Variants in COL9A1 observed in about 807,000 individuals in gnomAD.
COL9A1 encodes collagen alpha-1(IX) chain.
Under a neutral mutation model 142.6 loss-of-function variants are expected in COL9A1, and 104 were observed. The ratio of observed to expected loss-of-function variants is 0.73; its 90% CI spans 0.62 to 0.86. The LOEUF (loss-of-function observed/expected upper bound fraction) is 0.86, where lower values mean the gene tolerates loss of function less well. Among genes scored for constraint, COL9A1 ranks in the 40% least tolerant of loss-of-function variants. The pLI is 0.00. For missense variants in COL9A1, 1,210 were observed against 1,176.6 expected (o/e 1.03, Z -0.42); for synonymous variants, 466 against 396.0 (o/e 1.18, Z -2.10).
chr6:70,244,525 C>T (rs3806076), intron 28 of COL9A1, among the ~76,000 whole-genome samples: 6,008 of 152,198 alleles, frequency 0.039, 248 homozygotes, highest in East Asian at 0.14. Flanking sequence ...ACTGGGCTCA[C>T]GTGACTTTAA....
chr6:70,230,419 G>A (rs1431680110), intron 36 of COL9A1, among the ~76,000 whole-genome samples: 1 of 152,122 alleles, frequency 6.6e-6, no homozygotes, highest in Non-Finnish European at 1.5e-5. Context: ...ATGGAGGAGG[G>A]TAGGGAGAAA....
At chr6:70,235,049 C>A in intron 33 of COL9A1, 109 bp from the exon 34 acceptor site, 1 of 1,343,904 alleles carries the variant, frequency 7.4e-7, no homozygotes. Context: ...CACTCTGCAT[C>A]CTAACAGGTG....
intron 6 of COL9A1, 92 bp downstream of exon 6, chr6:70,283,645 G>A: frequency 1.1e-6 from 1 of 883,978 alleles, no homozygotes; most frequent in East Asian, 2.6e-5. Context: ...TGGGGAGGAG[G>A]GGTGCTGGGG....
intron 33 of COL9A1, among the ~76,000 whole-genome samples, chr6:70,237,985 A>T (rs1770019202): frequency 6.6e-6 from 1 of 152,238 alleles, no homozygotes; most frequent in African/African-American, 2.4e-5. Context: ...AACAGCATGT[A>T]AAAGAAACTG....
rs1286450206 is a variant in COL9A1 at position 70,274,164 on chromosome 6, A to G, written c.1030-82T>C. On this transcript the variant is annotated intron_variant, in intron 11 of 37. Coordinates refer to ENST00000357250, the MANE Select transcript of COL9A1 (RefSeq NM_001851.6). ...TGAAAACTGCATAAATATTGAAAGCATTAAAACACCCCATTATGGTGTTTT... is the reference window on the plus strand; with the variant it reads ...TGAAAACTGCATAAATATTGAAAGCGTTAAAACACCCCATTATGGTGTTTT... 5.4e-5 allele frequency: 61 copies of G among 1,123,346 alleles called. 3 individuals carry two copies. In the Admixed American group the frequency reaches 1.2e-3, roughly 22 times the overall value. 69.6% of individuals were successfully genotyped at this position (1,123,346 alleles called of 1,614,324 possible).
intron 33 of COL9A1, among the ~76,000 whole-genome samples, chr6:70,236,787 T>C (rs772919177): frequency 5.3e-5 from 8 of 152,132 alleles, no homozygotes; most frequent in Non-Finnish European, 1.2e-4. Context: ...GGCTGCAACA[T>C]TGTCAGGTGC....
chr6:70,228,325 A>G (rs977399373), intron 36 of COL9A1, among the ~76,000 whole-genome samples: 1 of 152,116 alleles, frequency 6.6e-6, no homozygotes, highest in African/African-American at 2.4e-5. Flanking sequence ...TACCAAACCC[A>G]GCAACTTGAC....
intron 21 of COL9A1, 138 bp from the exon 22 acceptor site, chr6:70,255,528 TGAA>T (rs2127577203): frequency 5.4e-6 from 4 of 742,712 alleles, no homozygotes; most frequent in East Asian, 2.6e-5. Flanking sequence ...GAAGCCTAGA[TGAA>T]GAAGTCTTTT....
intron 5 of COL9A1, among the ~76,000 whole-genome samples, chr6:70,288,271 G>A (rs184425038): frequency 6.6e-6 from 1 of 152,142 alleles, no homozygotes; most frequent in Admixed American, 6.5e-5. Flanking sequence ...TCCAAATCCT[G>A]TTTTCCTTAC....
In COL9A1 at chr6:70,234,521, C is replaced by T. The variant is rs777064364; in HGVS notation, c.2314+18G>A. On this transcript the variant is annotated intron_variant, in intron 35 of 37. Coordinates refer to ENST00000357250, the MANE Select transcript of COL9A1 (RefSeq NM_001851.6). ...AGAGTTGATGGTGGAAAAAGTCAAA[C>T]CATTGTGATTTATTTACCTTGTATG... 6.2e-7 allele frequency: 1 copy of T among 1,613,318 alleles called. No individual in the cohort carries two copies. Among genetic ancestry groups the T allele is most frequent in the African/African-American group, 1.3e-5 (1 of 74,864 alleles).
intron 28 of COL9A1, among the ~76,000 whole-genome samples, chr6:70,247,368 ATTATAC>A (rs1161224139): frequency 6.6e-6 from 1 of 152,246 alleles, no homozygotes; most frequent in Non-Finnish European, 1.5e-5. Flanking sequence ...ATTTAACTTA[ATTATAC>A]TTATGCTGCC....
chr6:70,243,195 A>T (rs184088579), intron 28 of COL9A1, among the ~76,000 whole-genome samples: 2 of 152,378 alleles, frequency 1.3e-5, no homozygotes, highest in East Asian at 3.9e-4. Context: ...GTTTGCCTTT[A>T]AATTACTATT....
rs1355015915 is a variant in COL9A1 at position 70,294,413 on chromosome 6, T to C, written c.450A>G (p.Thr150=). ...CCTTGTATGAAAATACAACAGATTG[T>C]GTTTGGCCATTAATCTTTATGCCAA... ...EQVGIKINGQ[T]QSVVFSYKGL... Residue 150 remains threonine, a synonymous_variant, in exon 5 of 38, where the codon ACA becomes ACG. Coordinates refer to ENST00000357250, the MANE Select transcript of COL9A1 (RefSeq NM_001851.6). 1.9e-6 allele frequency: 3 copies of C among 1,614,038 alleles called. No individual in the cohort carries two copies. Among genetic ancestry groups the C allele is most frequent in the African/African-American group, 2.7e-5 (2 of 74,928 alleles).
chr6:70,227,281 C>T (rs1399791112), intron 36 of COL9A1, among the ~76,000 whole-genome samples: 2 of 151,318 alleles, frequency 1.3e-5, no homozygotes, highest in Non-Finnish European at 3.0e-5. Context: ...TTCCTAAAAT[C>T]AATACAAAAA....
chr6:70,254,556 T>A (rs753915603), intron 24 of COL9A1, 27 bp from the exon 25 acceptor site: 1 of 1,611,274 alleles, frequency 6.2e-7, no homozygotes, highest in Admixed American at 1.7e-5. Flanking sequence ...TATCACATGA[T>A]TGAACCTGTA....
intron 29 of COL9A1, 35 bp downstream of exon 29, chr6:70,242,627 C>T: frequency 1.3e-6 from 2 of 1,582,726 alleles, no homozygotes; most frequent in South Asian, 1.1e-5. Context: ...CATTGTGTTT[C>T]GTAGAAGGCA....
intron 20 of COL9A1, among the ~76,000 whole-genome samples, chr6:70,257,352 C>T (rs1032584762): frequency 6.6e-6 from 1 of 152,170 alleles, no homozygotes; most frequent in Non-Finnish European, 1.5e-5. Flanking sequence ...AGCCACTGCA[C>T]CCAGCCCAGT....
intron 26 of COL9A1, among the ~76,000 whole-genome samples, chr6:70,253,090 G>A (rs906694171): frequency 5.3e-5 from 8 of 152,050 alleles, no homozygotes; most frequent in African/African-American, 9.7e-5. Context: ...AAGTTCTGTG[G>A]CTTAATAATA....
intron 18 of COL9A1, among the ~76,000 whole-genome samples, chr6:70,264,149 T>G (rs1324153480): frequency 6.6e-6 from 1 of 151,964 alleles, no homozygotes; most frequent in African/African-American, 2.4e-5. Flanking sequence ...CTATAATACA[T>G]TTTAATCTCA....
Sources: allele counts gnomAD v4.1 joint callset (sites outside exome capture counted in the v4.1 genomes callset), GRCh38; gene constraint gnomAD v4.1.1; transcripts MANE v1.5; gene names NCBI Gene and HGNC (gene_info 2026-07-23, HGNC 2026-07-21).